ST3GAL3: variants seen among roughly 807,000 people sequenced by gnomAD.
ST3GAL3 encodes the protein ST3 beta-galactoside alpha-2,3-sialyltransferase 3, also known as CMP-N-acetylneuraminate-beta-1,4-galactoside alpha-2,3-sialyltransferase.
ST3GAL3 carries 21 observed loss-of-function variants against 50.1 expected under a neutral mutation model. The ratio of observed to expected loss-of-function variants is 0.42; its 90% CI spans 0.30 to 0.60. The LOEUF is 0.60. Ranked by LOEUF, ST3GAL3 falls within the 20% of genes least tolerant of loss-of-function variation. The pLI is 0.19. For synonymous variants in ST3GAL3, 183 were observed against 190.0 expected, an observed-to-expected ratio of 0.96 and a Z score of 0.30; for missense variants, 353 against 489.4, an observed-to-expected ratio of 0.72 and a Z score of 2.63.
rs1465340919 is a variant in ST3GAL3, at chr1:43,854,443, ACTCC to A, written c.302+16138_302+16141del. Among the ~76,000 whole-genome samples, 11 of 150,460 alleles carry A rather than the reference ACTCC, an allele frequency of 7.3e-5. No homozygotes were observed. The East Asian group carries it at 2.0e-3, about 27-fold the overall frequency. ...CTCTTCTCCTTAATTATTTGTTCAAACTCCCTCCCAGTTCTCCTACCTCTCTGTT... is the reference window on the plus strand; with the variant it reads ...CTCTTCTCCTTAATTATTTGTTCAAACTCCCAGTTCTCCTACCTCTCTGTT... On this transcript the variant is annotated intron_variant, in intron 5 of 11. Coordinates refer to ENST00000347631, the MANE Select transcript of ST3GAL3 (RefSeq NM_006279.5).
chr1:43,892,185 C>T (rs1181673278), intron 5 of ST3GAL3, among the ~76,000 whole-genome samples: 10 of 152,214 alleles, frequency 6.6e-5, no homozygotes, highest in East Asian at 5.8e-4. Flanking sequence ...TCAGGTGATC[C>T]GCCTGCCTTG....
intron 5 of ST3GAL3, chr1:43,858,283 C>T: frequency 7.8e-7 from 1 of 1,286,224 alleles, no homozygotes; most frequent in Admixed American, 2.3e-5. Flanking sequence ...CTGGTGAAGT[C>T]TGATGCCTGA....
chr1:43,851,680 A>T, intron 5 of ST3GAL3: 1 of 1,333,276 alleles, frequency 7.5e-7, no homozygotes, highest in Non-Finnish European at 1.1e-6. Context: ...GCATCTTGTC[A>T]TGTGAGGACC....
chr1:43,763,238 T>G (rs1412658617), intron 2 of ST3GAL3, among the ~76,000 whole-genome samples: 1 of 152,200 alleles, frequency 6.6e-6, no homozygotes, highest in Non-Finnish European at 1.5e-5. Context: ...TATACACTAA[T>G]ATGAAAAGAT....
intron 3 of ST3GAL3, among the ~76,000 whole-genome samples, chr1:43,794,978 A>G (rs1466626814): frequency 6.6e-6 from 1 of 152,018 alleles, no homozygotes; most frequent in South Asian, 2.1e-4. Flanking sequence ...ATGTTGAGGG[A>G]TGGGTACAGG....
At chr1:43,813,247 G>C (rs1216357147) in intron 3 of ST3GAL3, among the ~76,000 whole-genome samples, 1 of 152,166 alleles carries the variant, frequency 6.6e-6, no homozygotes, top group Non-Finnish European at 1.5e-5. Context: ...AGTTCCCCCA[G>C]GGTTTTCACC....
intron 5 of ST3GAL3, chr1:43,858,447 C>A (rs2069059316): frequency 4.2e-6 from 3 of 708,378 alleles, no homozygotes; most frequent in Admixed American, 4.0e-5. Context: ...GGCAGGCTGG[C>A]TGCATTCCTG....
chr1:43,806,732 C>G lies in ST3GAL3; in HGVS notation c.167-8159C>G, dbSNP rs2059929267. Among the ~76,000 whole-genome samples, 5 of 152,264 alleles carry G rather than the reference C, an allele frequency of 3.3e-5. No homozygotes were observed. In the South Asian group the frequency reaches 1.0e-3, roughly 32 times the overall value. On this transcript the variant is annotated intron_variant, in intron 3 of 11. Coordinates refer to ENST00000347631, the MANE Select transcript of ST3GAL3 (RefSeq NM_006279.5). ...GAAACAGGGTCTTACTCCCGTTGCC[C>G]AGGCCAGAGTGCAGCAGTGCAGTCA... is the stretch of plus-strand genomic sequence containing the variant.
intron 3 of ST3GAL3, among the ~76,000 whole-genome samples, chr1:43,811,251 C>T (rs372474406): frequency 4.6e-5 from 7 of 152,278 alleles, no homozygotes; most frequent in African/African-American, 1.7e-4. Context: ...CCTGTCTTTC[C>T]TCTTCCCTCC....
chr1:43,762,530 G>A (rs1690903491), intron 2 of ST3GAL3, among the ~76,000 whole-genome samples: 2 of 151,800 alleles, frequency 1.3e-5, no homozygotes, highest in South Asian at 4.2e-4. Flanking sequence ...GAAAAGTGTT[G>A]GGGGCCACAG....
chr1:43,906,153 C>T (rs2079576772), intron 9 of ST3GAL3, among the ~76,000 whole-genome samples: 1 of 117,608 alleles, frequency 8.5e-6, no homozygotes, highest in Admixed American at 8.6e-5. Flanking sequence ...CTGTTCCTCC[C>T]CCTCCTCCTG....
chr1:43,806,105 G>T (rs2059855330), intron 3 of ST3GAL3, among the ~76,000 whole-genome samples: 1 of 152,160 alleles, frequency 6.6e-6, no homozygotes, highest in Admixed American at 6.5e-5. Flanking sequence ...CGAATAAAGA[G>T]GTGGCTTATT....
chr1:43,805,591 A>G lies in ST3GAL3; in HGVS notation c.167-9300A>G, dbSNP rs116108841. Among the ~76,000 whole-genome samples, 699 of 152,354 alleles carry G rather than the reference A, an allele frequency of 4.6e-3. 4 individuals are homozygous for G. Among genetic ancestry groups the G allele is most frequent in the African/African-American group, 0.016 (660 of 41,572 alleles). On this transcript the variant is annotated intron_variant, in intron 3 of 11. Coordinates refer to ENST00000347631, the MANE Select transcript of ST3GAL3 (RefSeq NM_006279.5). ...GTGTTAGGTGATGCACCTGTGAGGA[A>G]AAGAAGAGTCTTAGTGGAACTTCTA...
intron 2 of ST3GAL3, among the ~76,000 whole-genome samples, chr1:43,759,075 A>G (rs1021812845): frequency 4.5e-4 from 63 of 140,796 alleles, no homozygotes; most frequent in African/African-American, 6.7e-4. Flanking sequence ...GCACACACAC[A>G]CACACACACA....
chr1:43,925,011 C>T (rs577513306), intron 11 of ST3GAL3, among the ~76,000 whole-genome samples: 2 of 152,230 alleles, frequency 1.3e-5, no homozygotes, highest in East Asian at 1.9e-4. Flanking sequence ...GCTTCTTGGC[C>T]GGGCACAGTA....
chr1:43,858,738 C>G (rs368395616), intron 5 of ST3GAL3, among the ~76,000 whole-genome samples: 1 of 152,142 alleles, frequency 6.6e-6, no homozygotes, highest in East Asian at 1.9e-4. Flanking sequence ...CTGGCACCTT[C>G]AGGACTGTGT....
At chr1:43,816,827 T>C (rs2061304176) in intron 4 of ST3GAL3, among the ~76,000 whole-genome samples, 1 of 152,202 alleles carries the variant, frequency 6.6e-6, no homozygotes, top group Non-Finnish European at 1.5e-5. Context: ...TAACTCACAA[T>C]CTAAGGTACA....
intron 3 of ST3GAL3, among the ~76,000 whole-genome samples, chr1:43,798,894 T>C (rs191772604): frequency 4.2e-4 from 64 of 152,316 alleles, no homozygotes; most frequent in Non-Finnish European, 7.8e-4. Flanking sequence ...TGTTAAAGAA[T>C]AGAAAATTAG....
chr1:43,752,234 T>C (rs1686428507), intron 2 of ST3GAL3, among the ~76,000 whole-genome samples: 1 of 152,216 alleles, frequency 6.6e-6, no homozygotes, highest in African/African-American at 2.4e-5. Flanking sequence ...ATTTTACAGG[T>C]AAGGCTAATG....
Sources: gnomAD v4.1 joint callset for allele counts (sites outside exome capture counted in the v4.1 genomes callset) on GRCh38, gnomAD v4.1.1 for gene constraint, MANE v1.5 for transcripts, NCBI Gene and HGNC (gene_info 2026-07-23, HGNC 2026-07-21) for gene names.